The following TIMP2 variants were observed in gnomAD, a reference collection of about 807,000 sequenced individuals.
The protein encoded by TIMP2 is TIMP metallopeptidase inhibitor 2.
In TIMP2, 5 loss-of-function variants were observed where a neutral mutation model predicts 24.3. That is an observed-to-expected ratio of 0.21 (90% CI 0.11 to 0.43). The LOEUF (loss-of-function observed/expected upper bound fraction) is 0.43, where lower values mean the gene tolerates loss of function less well. TIMP2 is among the 20% of genes least tolerant of loss of function. The pLI, the probability that TIMP2 is intolerant of heterozygous loss-of-function variation, is 1.00. For synonymous variants in TIMP2, 130 were observed against 123.2 expected (o/e 1.06, Z -0.37); for missense variants, 221 against 297.5 (o/e 0.74, Z 1.89).
At chr17:78,894,202 G>C (rs1368153570) in intron 1 of TIMP2, among the ~76,000 whole-genome samples, 1 of 145,968 alleles carries the variant, frequency 6.9e-6, no homozygotes, top group Non-Finnish European at 1.5e-5. Flanking sequence ...TACCCCCCCC[G>C]GTTCACAGAC....
chr17:78,906,731 C>T (rs1182512696), intron 1 of TIMP2, among the ~76,000 whole-genome samples: 10 of 151,568 alleles, frequency 6.6e-5, no homozygotes, highest in African/African-American at 1.7e-4. Context: ...TACAGGCCTG[C>T]GCCACCACAC....
chr17:78,874,049 G>A (rs2069708543), intron 1 of TIMP2, 130 bp from the exon 2 acceptor site: 3 of 723,660 alleles, frequency 4.1e-6, no homozygotes, highest in Non-Finnish European at 6.9e-6. Context: ...TGCGAGACGG[G>A]CAAGGGGCAT....
chr17:78,902,826 GCA>G (rs2070116172), intron 1 of TIMP2: 1 of 152,356 alleles, frequency 6.6e-6, no homozygotes, highest in Admixed American at 6.5e-5. Flanking sequence ...CCCAATCCCA[GCA>G]GGTGTTCCTG....
chr17:78,909,358 T>TAAAA lies in TIMP2; in HGVS notation c.130+15597_130+15600dup, dbSNP rs528903946. On this transcript the variant is annotated intron_variant, in intron 1 of 4. Transcript: ENST00000262768. ...CGACAGAGCAAGACCCTCATCTCTT[T>TAAAA]AAAAAAAAAAAAGATAAATCAAGGA... 1.8e-3 allele frequency among the ~76,000 whole-genome samples: 264 copies of TAAAA among 144,172 alleles called. 3 individuals are homozygous for TAAAA. The highest frequency in any genetic ancestry group is 6.2e-3 in the African/African-American group (242 of 39,078). The allele number at this position is 144,172 out of a possible 152,430, so 94.6% of individuals were successfully genotyped here.
intron 1 of TIMP2, chr17:78,897,017 C>T: frequency 2.0e-6 from 2 of 985,294 alleles, no homozygotes; most frequent in Non-Finnish European, 1.2e-6. Flanking sequence ...GCCGCTCAGA[C>T]AGCTTTTCAG....
intron 1 of TIMP2, among the ~76,000 whole-genome samples, chr17:78,923,753 AT>A (rs1322363476): frequency 6.6e-6 from 1 of 152,074 alleles, no homozygotes; most frequent in Non-Finnish European, 1.5e-5. Context: ...ATCTCAATAG[AT>A]TGGTGCAACT....
intron 1 of TIMP2, among the ~76,000 whole-genome samples, chr17:78,885,103 G>A (rs1483971274): frequency 3.3e-5 from 5 of 152,204 alleles, no homozygotes; most frequent in South Asian, 2.1e-4. Flanking sequence ...GCTGCTCCCC[G>A]TCCAAGCCTC....
rs555639132 is a variant in TIMP2, at chr17:78,853,306, G to C, written c.*2361C>G. The C allele has an allele frequency of 6.5e-6, 1 of 152,742 alleles. No homozygotes were observed. Among genetic ancestry groups the C allele is most frequent in the Non-Finnish European group, 1.5e-5 (1 of 68,022 alleles). The allele number at this position is 152,742 out of a possible 1,614,324, so 9.5% of individuals were successfully genotyped here. The stretch of plus-strand genomic sequence containing the variant: ...CTTGCAGGATGAAAATAGGAGAAGA[G>C]AGCTGTGCTTAGAACATAACATATA... On this transcript the variant is annotated 3_prime_UTR_variant, in exon 5 of 5. Transcript: ENST00000262768.
chr17:78,903,636 C>T (rs539599456), intron 1 of TIMP2, among the ~76,000 whole-genome samples: 17 of 152,086 alleles, frequency 1.1e-4, no homozygotes, highest in African/African-American at 1.9e-4. Context: ...CCACTGGAGG[C>T]GGGGGAAGAA....
At chr17:78,893,092 G>A (rs913966431) in intron 1 of TIMP2, among the ~76,000 whole-genome samples, 3 of 151,318 alleles carry the variant, frequency 2.0e-5, no homozygotes, top group African/African-American at 7.3e-5. Flanking sequence ...CGTGTGCAGG[G>A]GTGTGTGTGG....
At chr17:78,919,838 AAAAAG>A (rs2070295842) in intron 1 of TIMP2, among the ~76,000 whole-genome samples, 1 of 151,828 alleles carries the variant, frequency 6.6e-6, no homozygotes, top group African/African-American at 2.4e-5. Context: ...CATCTCGAAA[AAAAAG>A]AAAAAGAAAA....
At chr17:78,917,293 G>A (rs991692379) in intron 1 of TIMP2, among the ~76,000 whole-genome samples, 1 of 142,164 alleles carries the variant, frequency 7.0e-6, no homozygotes, top group Non-Finnish European at 1.5e-5. Flanking sequence ...AGCTGGGCAT[G>A]GCAGCACACA....
At chr17:78,860,009 T>TA (rs1385234833) in intron 3 of TIMP2, among the ~76,000 whole-genome samples, 3 of 148,918 alleles carry the variant, frequency 2.0e-5, no homozygotes, top group East Asian at 2.0e-4. Context: ...ATACATAAAA[T>TA]AAAAAAAATA....
chr17:78,913,540 G>A (rs2070227369), intron 1 of TIMP2, among the ~76,000 whole-genome samples: 1 of 151,950 alleles, frequency 6.6e-6, no homozygotes, highest in African/African-American at 2.4e-5. Flanking sequence ...GCAAAACCTC[G>A]TCTCGACAAA....
chr17:78,892,307 C>T (rs1180724266), intron 1 of TIMP2: 1 of 1,550,536 alleles, frequency 6.4e-7, no homozygotes, highest in Admixed American at 2.0e-5. Flanking sequence ...AGGACAGAGG[C>T]TCAGCCACAT....
chr17:78,886,136 C>T (rs1227471079), intron 1 of TIMP2, among the ~76,000 whole-genome samples: 3 of 152,172 alleles, frequency 2.0e-5, no homozygotes, highest in Admixed American at 6.5e-5. Context: ...TCTGGTCCTG[C>T]TGCCAGGGGA....
intron 1 of TIMP2, among the ~76,000 whole-genome samples, chr17:78,895,436 ACATC>A (rs554244773): frequency 1.2e-3 from 179 of 152,294 alleles, no homozygotes; most frequent in African/African-American, 4.2e-3. Context: ...CTGCCACCTC[ACATC>A]CACTCCAACG....
chr17:78,892,962 G>A (rs1033997544), intron 1 of TIMP2, among the ~76,000 whole-genome samples: 3 of 152,162 alleles, frequency 2.0e-5, no homozygotes, highest in Admixed American at 6.5e-5. Flanking sequence ...GAGAAGAGCA[G>A]GTGGAAGTAA....
chr17:78,925,130 G>T lies in TIMP2; in HGVS notation c.-42C>A, dbSNP rs1599182254. The stretch of plus-strand genomic sequence containing the variant: ...GGGCGGGCGGGGGCCGCCGCTGGGG[G>T]GTCCGGGCGCTGCTCGCGGCGGCGG... On this transcript the variant is annotated 5_prime_UTR_variant, in exon 1 of 5. Transcript: ENST00000262768. The T allele has an allele frequency of 1.2e-6, 1 of 849,852 alleles. No homozygotes were observed. 52.6% of individuals were successfully genotyped at this position (849,852 alleles called of 1,614,324 possible). A position where few individuals can be genotyped will look rare whatever the true frequency, so the allele number is the denominator to read the frequency against.
Sources: allele counts gnomAD v4.1 joint callset (sites outside exome capture counted in the v4.1 genomes callset), GRCh38; gene constraint gnomAD v4.1.1; transcripts MANE v1.5; gene names NCBI Gene and HGNC (gene_info 2026-07-23, HGNC 2026-07-21).